The following ADD2 variants were observed in gnomAD, a reference collection of about 807,000 sequenced individuals.
The protein encoded by ADD2 is adducin 2, also known as beta-adducin.
A neutral mutation model predicts 83.0 loss-of-function variants in ADD2; 23 were observed. The ratio of observed to expected loss-of-function variants is 0.28; its 90% CI spans 0.20 to 0.39. ADD2 has a LOEUF of 0.39. ADD2 is among the 10% of genes least tolerant of loss of function. The probability of loss-of-function intolerance (pLI) is 1.00; values close to 1 mark genes in which losing one functional copy is unlikely to be tolerated. For synonymous variants in ADD2, 375 were observed against 375.4 expected (o/e 1.00, Z 0.01); for missense variants, 758 against 944.9 (o/e 0.80, Z 2.59).
At position 70,674,843 on chromosome 2, in the gene ADD2, A is replaced by G. The variant is rs1553367891; in HGVS notation, c.1594-18T>C. On this transcript the variant is annotated intron_variant, in intron 13 of 15. Transcript: ENST00000264436. The stretch of plus-strand genomic sequence containing the variant: ...TCTGTAGACTGAAAGTTAACCACAG[A>G]GGGTGTGTCGCTCTCTGAACGCCGC... 6.2e-7 allele frequency: 1 copy of G among 1,610,884 alleles called. No homozygotes were observed. Among genetic ancestry groups the G allele is most frequent in the Admixed American group, 1.7e-5 (1 of 59,468 alleles).
At chr2:70,695,657 G>T in intron 6 of ADD2, 64 bp downstream of exon 6, 1 of 1,488,926 alleles carries the variant, frequency 6.7e-7, no homozygotes, top group Non-Finnish European at 9.4e-7. Context: ...ACCTAGCACT[G>T]TGGGAACAGA....
chr2:70,673,575 C>T (rs1172379200), intron 14 of ADD2, among the ~76,000 whole-genome samples: 1 of 152,222 alleles, frequency 6.6e-6, no homozygotes, highest in Non-Finnish European at 1.5e-5. Context: ...GAGCTCCAAG[C>T]AAGCCAGCAA....
chr2:70,697,448 T>C (rs571133493), intron 4 of ADD2, among the ~76,000 whole-genome samples: 1 of 152,346 alleles, frequency 6.6e-6, no homozygotes, highest in African/African-American at 2.4e-5. Context: ...TTAACCATGA[T>C]GACCACTGCC....
chr2:70,749,854 G>A (rs576066975), intron 1 of ADD2, among the ~76,000 whole-genome samples: 1 of 152,328 alleles, frequency 6.6e-6, no homozygotes, highest in African/African-American at 2.4e-5. Flanking sequence ...CCAGCCCCGG[G>A]TTGCCAACCT....
rs898338009 is a variant in ADD2, at chr2:70,713,142, G to T, written c.-111C>A. 3 of 985,300 alleles carry T rather than the reference G, an allele frequency of 3.0e-6. No individual in the cohort carries two copies. The highest frequency in any genetic ancestry group is 6.2e-5 in the Admixed American group (1 of 16,260). 61.0% of individuals were successfully genotyped at this position (985,300 alleles called of 1,614,324 possible). Reference sequence around the variant, plus strand: ...TGCACCCCCTAGCTCCACTCTCAAGGGTGCCGGCCACATCTACACAACCTC... The same window carrying T: ...TGCACCCCCTAGCTCCACTCTCAAGTGTGCCGGCCACATCTACACAACCTC... On this transcript the variant is annotated 5_prime_UTR_variant, in exon 2 of 16. Coordinates refer to ENST00000264436, the MANE Select transcript of ADD2 (RefSeq NM_001617.4).
intron 1 of ADD2, among the ~76,000 whole-genome samples, chr2:70,734,613 A>T (rs1673433637): frequency 6.6e-6 from 1 of 152,222 alleles, no homozygotes; most frequent in South Asian, 2.1e-4. Flanking sequence ...CAGAGGAGTG[A>T]GCCAGCCACT....
chr2:70,701,479 T>C (rs1671577128), intron 4 of ADD2, among the ~76,000 whole-genome samples: 1 of 152,162 alleles, frequency 6.6e-6, no homozygotes, highest in Non-Finnish European at 1.5e-5. Flanking sequence ...ATTAATCTAT[T>C]ATTAAACATT....
At chr2:70,765,741 G>A (rs1035909481) in intron 1 of ADD2, among the ~76,000 whole-genome samples, 5 of 152,112 alleles carry the variant, frequency 3.3e-5, no homozygotes, top group East Asian at 3.8e-4. Flanking sequence ...TTTCCTGCCC[G>A]TAGCCATTGT....
chr2:70,662,565 C>A lies in ADD2; in HGVS notation c.*860G>T, dbSNP rs1553365202. 2 of 152,196 alleles carry A rather than the reference C, an allele frequency of 1.3e-5. No homozygotes were observed. Among genetic ancestry groups the A allele is most frequent in the African/African-American group, 2.4e-5 (1 of 41,440 alleles). The allele number at this position is 152,196 out of a possible 1,614,324, so 9.4% of individuals were successfully genotyped here. The stretch of plus-strand genomic sequence containing the variant: ...TCAGCATTTCCTCTGTTGTTTTGAT[C>A]CTCCTTATACAACCCAAAGCCAACA... On this transcript the variant is annotated 3_prime_UTR_variant, in exon 16 of 16. Coordinates refer to ENST00000264436, the MANE Select transcript of ADD2 (RefSeq NM_001617.4).
chr2:70,663,580 C>T lies in ADD2; in HGVS notation c.2026G>A (p.Asp676Asn). The change falls in exon 16 of 16, where the codon GAT (aspartate) becomes AAT (asparagine). Residue 676 changes from aspartate (D) to asparagine (N), a missense_variant. Physicochemically the swap from Asp to Asn is conservative, Grantham distance 23. Around this residue, in one of 5 missense-constraint regions of ADD2, gnomAD observed 165 missense variants for 176.2 expected, o/e 0.94. Coordinates refer to ENST00000264436, the MANE Select transcript of ADD2 (RefSeq NM_001617.4). ...GTTTTGTCCTTAGAGGTATCAACATCCGTGTCAGCACTGGTGGTCATCTGG... is the reference window on the plus strand; with the variant it reads ...GTTTTGTCCTTAGAGGTATCAACATTCGTGTCAGCACTGGTGGTCATCTGG... ...LSQMTTSADT[D>N]VDTSKDKTES... 3.1e-6 allele frequency: 5 copies of T among 1,614,130 alleles called. No homozygotes were observed. The highest frequency in any genetic ancestry group is 3.4e-6 in the Non-Finnish European group (4 of 1,180,024).
intron 1 of ADD2, among the ~76,000 whole-genome samples, chr2:70,723,168 G>A: frequency 6.6e-6 from 1 of 152,154 alleles, no homozygotes; most frequent in African/African-American, 2.4e-5. Context: ...TCCCAGCTCT[G>A]CCTCTTTCTA....
rs558299956 is a variant in ADD2 at position 70,674,085 on chromosome 2, T to G, written c.1741+593A>C. Among the ~76,000 whole-genome samples the G allele has an allele frequency of 2.6e-5, 4 of 151,056 alleles. No individual in the cohort carries two copies. The East Asian group carries it at 5.8e-4, about 22-fold the overall frequency. ...AAGGGACAGCTCAATTTGGGTGGAG[T>G]AGAGAGGGTGACAGGGAGGCCCTTC... On this transcript the variant is annotated intron_variant, in intron 14 of 15. Transcript: ENST00000264436.
intron 1 of ADD2, among the ~76,000 whole-genome samples, chr2:70,750,518 C>T (rs35164773): frequency 0.27 from 41,540 of 151,984 alleles, 5,977 homozygotes; most frequent in Middle Eastern, 0.38. Flanking sequence ...ATAGAGAAGA[C>T]ACACACACAC....
At chr2:70,704,600 T>A in intron 3 of ADD2, 141 bp from the exon 4 acceptor site, 1 of 906,512 alleles carries the variant, frequency 1.1e-6, no homozygotes, top group Non-Finnish European at 1.7e-6. Context: ...CAGGGGACAC[T>A]GAGCAGTTCC....
Position 70,696,218 on chromosome 2 carries a change from C to G in ADD2, c.474+27G>C, listed in dbSNP as rs782748023. On this transcript the variant is annotated intron_variant, in intron 5 of 15. Transcript: ENST00000264436. ...TTTTGTGGGACCACATGCAGTGCCC[C>G]ACCCAATTCCAGGGCGTTCTGCTCA... 1.4e-5 allele frequency: 22 copies of G among 1,602,950 alleles called. No homozygotes were observed. The Admixed American group carries it at 3.4e-4, about 25-fold the overall frequency.
Position 70,663,431 on chromosome 2 carries a change from C to T in ADD2, c.2175G>A (p.Glu725=), listed in dbSNP as rs1675616402. ...AGCCCAAGGGTGTCATGAATCAGGA[C>T]TCCACTTTCTCCTTCTTTTTGCTCT... ...LKKSKKKEKV[E]S is the part of the protein sequence containing the mutation. The change falls in exon 16 of 16, where the codon GAG becomes GAA. Residue 725 remains glutamate, a synonymous_variant. Coordinates refer to ENST00000264436, the MANE Select transcript of ADD2 (RefSeq NM_001617.4). The T allele has an allele frequency of 1.9e-6, 3 of 1,612,674 alleles. No individual in the cohort carries two copies. In the East Asian group the frequency reaches 6.7e-5, roughly 36 times the overall value.
Position 70,695,766 on chromosome 2 carries a change from G to A in ADD2, c.510C>T (p.Ile170=), listed in dbSNP as rs782260441. ...CACTGCAAGAAACTCCCTTAGGGCT[G>A]ATCAGGAAGTGGTCCTGCTCCTTGC... ...RVSKEQDHFL[I]SPKGVSCSEV... Residue 170 remains isoleucine (I), a synonymous_variant, in exon 6 of 16, where the codon ATC becomes ATT. Transcript: ENST00000264436. 1 of 1,614,162 alleles carries A rather than the reference G, an allele frequency of 6.2e-7. No individual in the cohort carries two copies. The highest frequency in any genetic ancestry group is 8.5e-7 in the Non-Finnish European group (1 of 1,180,030).
chr2:70,665,420 A>G (rs781866132), intron 15 of ADD2, among the ~76,000 whole-genome samples: 12 of 152,274 alleles, frequency 7.9e-5, no homozygotes, highest in Middle Eastern at 3.4e-3. Flanking sequence ...TGCCCAGCCC[A>G]TGTCCTGTCA....
intron 1 of ADD2, among the ~76,000 whole-genome samples, chr2:70,756,068 A>G (rs555366001): frequency 0.023 from 2,800 of 120,064 alleles, 28 homozygotes; most frequent in Middle Eastern, 0.035. Context: ...TCAGCAAAAA[A>G]AAGAAAAAAA....
Sources: gnomAD v4.1 joint callset for allele counts (sites outside exome capture counted in the v4.1 genomes callset) on GRCh38, gnomAD v4.1.1 for gene constraint, gnomAD v4.1.1 regional missense constraint, MANE v1.5 for transcripts, NCBI Gene and HGNC (gene_info 2026-07-23, HGNC 2026-07-21) for gene names.